Variants in NKAIN2 observed in about 807,000 individuals in gnomAD.
The protein encoded by NKAIN2 is sodium/potassium transporting ATPase interacting 2, also known as sodium/potassium-transporting ATPase subunit beta-1-interacting protein 2.
Under a neutral mutation model 32.6 loss-of-function variants are expected in NKAIN2, and 14 were observed. The observed-to-expected ratio is 0.43, with a 90% CI of 0.28 to 0.67. NKAIN2 has a LOEUF of 0.67. NKAIN2 is among the 30% of genes least tolerant of loss of function. The pLI, the probability that NKAIN2 is intolerant of heterozygous loss-of-function variation, is 0.17. For synonymous variants in NKAIN2, 80 were observed against 87.2 expected (o/e 0.92, Z 0.46); for missense variants, 198 against 258.3 (o/e 0.77, Z 1.60).
intron 2 of NKAIN2, among the ~76,000 whole-genome samples, chr6:124,327,676 A>G (rs953970059): frequency 6.6e-6 from 1 of 152,158 alleles, no homozygotes; most frequent in Non-Finnish European, 1.5e-5. Context: ...TACACATTGA[A>G]CTAGTAATAA....
chr6:124,509,508 G>A (rs1227653148), intron 3 of NKAIN2, among the ~76,000 whole-genome samples: 3 of 152,280 alleles, frequency 2.0e-5, no homozygotes, highest in East Asian at 3.9e-4. Flanking sequence ...TATCTTGCTA[G>A]TTAGACGTCT....
At chr6:124,745,616 C>T (rs190517879) in intron 4 of NKAIN2, among the ~76,000 whole-genome samples, 15 of 151,928 alleles carry the variant, frequency 9.9e-5, no homozygotes, top group Admixed American at 8.5e-4. Flanking sequence ...TAAAACCATT[C>T]GCTGAGATCT....
intron 1 of NKAIN2, among the ~76,000 whole-genome samples, chr6:124,212,055 T>C (rs1002603102): frequency 6.6e-6 from 1 of 152,106 alleles, no homozygotes; most frequent in Admixed American, 6.6e-5. Context: ...AATATGATTA[T>C]TTCTTTTTAA....
chr6:124,638,668 G>T (rs545116348), intron 3 of NKAIN2, among the ~76,000 whole-genome samples: 11 of 152,156 alleles, frequency 7.2e-5, no homozygotes, highest in Admixed American at 7.2e-4. Context: ...GCCCAAGGTG[G>T]GTGGATCACA....
intron 3 of NKAIN2, among the ~76,000 whole-genome samples, chr6:124,645,025 A>G (rs1397936483): frequency 1.3e-5 from 2 of 152,244 alleles, no homozygotes; most frequent in Non-Finnish European, 2.9e-5. Flanking sequence ...TTTCCATTTA[A>G]TGATAGCTGG....
intron 1 of NKAIN2, among the ~76,000 whole-genome samples, chr6:124,222,209 A>C (rs915542056): frequency 1.3e-5 from 2 of 152,222 alleles, no homozygotes; most frequent in African/African-American, 4.8e-5. Flanking sequence ...ATTTCTTACC[A>C]AGAAACATCA....
In NKAIN2 at chr6:124,527,242, G is replaced by A. The variant is rs77442517; in HGVS notation, c.274-130944G>A. Among the ~76,000 whole-genome samples, 76 of 152,144 alleles carry A rather than the reference G, an allele frequency of 5.0e-4. 1 individual carries two copies. Among genetic ancestry groups the A allele is most frequent in the East Asian group, 4.6e-3 (24 of 5,172 alleles). On this transcript the variant is annotated intron_variant, in intron 3 of 6. Coordinates refer to ENST00000368417, the MANE Select transcript of NKAIN2 (RefSeq NM_001040214.3). Reference sequence around the variant, plus strand: ...CAAAGATATATATACTCCGTAACTTGGATTATTGTTCCTTTGTGCTTACTC... The same window carrying A: ...CAAAGATATATATACTCCGTAACTTAGATTATTGTTCCTTTGTGCTTACTC...
intron 3 of NKAIN2, among the ~76,000 whole-genome samples, chr6:124,402,848 G>A (rs1773686303): frequency 6.6e-6 from 1 of 152,052 alleles, no homozygotes; most frequent in Non-Finnish European, 1.5e-5. Flanking sequence ...CTACCTATCG[G>A]GCACCATGCT....
At chr6:124,384,638 T>A (rs1772807959) in intron 3 of NKAIN2, among the ~76,000 whole-genome samples, 1 of 145,848 alleles carries the variant, frequency 6.9e-6, no homozygotes, top group Non-Finnish European at 1.6e-5. Context: ...TCTGTTTTTT[T>A]GAGACAGGGT....
intron 4 of NKAIN2, among the ~76,000 whole-genome samples, chr6:124,726,058 C>A (rs574652006): frequency 6.6e-6 from 1 of 152,178 alleles, no homozygotes; most frequent in Non-Finnish European, 1.5e-5. Flanking sequence ...GAGGGTCCTA[C>A]GCCCACGGAG....
At chr6:124,356,539 G>A (rs1278595024) in intron 3 of NKAIN2, among the ~76,000 whole-genome samples, 1 of 152,116 alleles carries the variant, frequency 6.6e-6, no homozygotes, top group Non-Finnish European at 1.5e-5. Context: ...CCTCACCGTG[G>A]CTAGCAAAAT....
intron 1 of NKAIN2, among the ~76,000 whole-genome samples, chr6:123,848,317 T>C (rs547563107): frequency 2.8e-4 from 42 of 152,252 alleles, no homozygotes; most frequent in African/African-American, 1.0e-3. Flanking sequence ...ATTTGCATGC[T>C]ACCTGATATG....
chr6:124,047,452 A>G (rs61257073), intron 1 of NKAIN2, among the ~76,000 whole-genome samples: 5,335 of 151,942 alleles, frequency 0.035, 316 homozygotes, highest in African/African-American at 0.12. Context: ...CTCTCTCTAT[A>G]TATATATAGT....
intron 3 of NKAIN2, among the ~76,000 whole-genome samples, chr6:124,602,436 C>T (rs1029972500): frequency 1.3e-4 from 20 of 151,854 alleles, no homozygotes; most frequent in Non-Finnish European, 2.5e-4. Context: ...TTGAAAATAA[C>T]TTTCCTTTAT....
chr6:124,696,254 C>A (rs1583663273), intron 4 of NKAIN2, among the ~76,000 whole-genome samples: 1 of 152,078 alleles, frequency 6.6e-6, no homozygotes, highest in Non-Finnish European at 1.5e-5. Context: ...AATCACTTTG[C>A]ATGCGAATGT....
intron 1 of NKAIN2, among the ~76,000 whole-genome samples, chr6:124,207,749 A>G (rs954392807): frequency 6.6e-6 from 1 of 151,948 alleles, no homozygotes; most frequent in African/African-American, 2.4e-5. Flanking sequence ...TTTGAACTGC[A>G]TAAAATAAAC....
intron 1 of NKAIN2, among the ~76,000 whole-genome samples, chr6:124,150,138 C>T (rs941742344): frequency 2.0e-5 from 3 of 152,096 alleles, no homozygotes; most frequent in East Asian, 1.9e-4. Context: ...CAGAACCTTC[C>T]GACCTTTCAG....
intron 1 of NKAIN2, among the ~76,000 whole-genome samples, chr6:123,855,064 G>A (rs1477546243): frequency 6.6e-6 from 1 of 152,118 alleles, no homozygotes; most frequent in East Asian, 1.9e-4. Context: ...TTTGAAAAGT[G>A]ATAAATAAAA....
intron 3 of NKAIN2, among the ~76,000 whole-genome samples, chr6:124,526,746 C>T (rs1203492715): frequency 6.6e-6 from 1 of 152,040 alleles, no homozygotes; most frequent in Non-Finnish European, 1.5e-5. Flanking sequence ...AGGCATAGTC[C>T]CAAATCCCAA....
Sources: allele counts gnomAD v4.1 joint callset (sites outside exome capture counted in the v4.1 genomes callset), GRCh38; gene constraint gnomAD v4.1.1; transcripts MANE v1.5; gene names NCBI Gene and HGNC (gene_info 2026-07-23, HGNC 2026-07-21).